Variants in KCNB2 observed in about 807,000 individuals in gnomAD.
The protein encoded by KCNB2 is potassium voltage-gated channel subfamily B member 2, also known as delayed rectifier potassium channel protein.
Under a neutral mutation model 61.5 loss-of-function variants are expected in KCNB2, and 15 were observed. That is an observed-to-expected ratio of 0.24 (90% CI 0.16 to 0.38). KCNB2 has a LOEUF of 0.38. KCNB2 is among the 10% of genes least tolerant of loss of function. The pLI, the probability that KCNB2 is intolerant of heterozygous loss-of-function variation, is 1.00. For synonymous variants in KCNB2, 457 were observed against 446.0 expected, an observed-to-expected ratio of 1.02 and a Z score of -0.31; for missense variants, 828 against 1,125.2, an observed-to-expected ratio of 0.74 and a Z score of 3.78.
At chr8:72,777,934 T>C (rs1195776694) in intron 2 of KCNB2, among the ~76,000 whole-genome samples, 1 of 152,198 alleles carries the variant, frequency 6.6e-6, no homozygotes, top group African/African-American at 2.4e-5. Context: ...ATTTGAAGTT[T>C]TCTCCTATAC....
chr8:72,780,182 T>C (rs1808730969), intron 2 of KCNB2, among the ~76,000 whole-genome samples: 1 of 152,216 alleles, frequency 6.6e-6, no homozygotes, highest in African/African-American at 2.4e-5. Context: ...TTACTTTATG[T>C]ATAACTTACG....
chr8:72,811,564 A>C (rs1302731106), intron 2 of KCNB2, among the ~76,000 whole-genome samples: 1 of 152,090 alleles, frequency 6.6e-6, no homozygotes, highest in Non-Finnish European at 1.5e-5. Context: ...GATTTCTATT[A>C]ATTGATGTCT....
In KCNB2 at chr8:72,695,218, T is replaced by C. The variant is rs528626094; in HGVS notation, c.579+126905T>C. Among the ~76,000 whole-genome samples, 440 of 152,262 alleles carry C rather than the reference T, an allele frequency of 2.9e-3. 4 individuals are homozygous for C. The highest frequency in any genetic ancestry group is 8.7e-3 in the African/African-American group (362 of 41,568). ...TTTGATATAAATAACTATCAACCTCTCTTATCATCTCCCCACTATTTCCTC... is the reference window on the plus strand; with the variant it reads ...TTTGATATAAATAACTATCAACCTCCCTTATCATCTCCCCACTATTTCCTC... On this transcript the variant is annotated intron_variant, in intron 2 of 2. Transcript: ENST00000523207.
chr8:72,800,676 C>A (rs186990120), intron 2 of KCNB2, among the ~76,000 whole-genome samples: 2 of 151,998 alleles, frequency 1.3e-5, no homozygotes, highest in African/African-American at 4.8e-5. Context: ...ATGACACAAT[C>A]TTTACTATCT....
intron 2 of KCNB2, among the ~76,000 whole-genome samples, chr8:72,573,097 A>T (rs1028604661): frequency 1.3e-5 from 2 of 152,016 alleles, no homozygotes; most frequent in Non-Finnish European, 2.9e-5. Flanking sequence ...CCTGTTGATA[A>T]CTCCTTGAGA....
chr8:72,573,556 A>G (rs970937198), intron 2 of KCNB2, among the ~76,000 whole-genome samples: 1 of 152,096 alleles, frequency 6.6e-6, no homozygotes, highest in African/African-American at 2.4e-5. Context: ...GCTGTCCTCT[A>G]CATTGAGGCC....
chr8:72,921,196 A>C (rs1023904409), intron 2 of KCNB2, among the ~76,000 whole-genome samples: 41 of 152,166 alleles, frequency 2.7e-4, no homozygotes, highest in African/African-American at 9.7e-4. Flanking sequence ...AATATGGCTT[A>C]GTATACACAT....
intron 2 of KCNB2, among the ~76,000 whole-genome samples, chr8:72,724,440 G>C (rs746690909): frequency 3.3e-5 from 5 of 152,190 alleles, no homozygotes; most frequent in Non-Finnish European, 7.3e-5. Flanking sequence ...TTTTGAATCT[G>C]AGTGTTGGAG....
chr8:72,849,682 T>C (rs1810059772), intron 2 of KCNB2, among the ~76,000 whole-genome samples: 2 of 152,230 alleles, frequency 1.3e-5, no homozygotes, highest in Admixed American at 1.3e-4. Context: ...AGTGTCTTTA[T>C]TGCTTTGGAG....
At chr8:72,837,093 C>A (rs996964001) in intron 2 of KCNB2, among the ~76,000 whole-genome samples, 3 of 152,120 alleles carry the variant, frequency 2.0e-5, no homozygotes, top group African/African-American at 7.2e-5. Flanking sequence ...TTTTTCAATT[C>A]AATATATTTA....
intron 2 of KCNB2, among the ~76,000 whole-genome samples, chr8:72,715,996 C>G (rs1807431445): frequency 6.6e-6 from 1 of 152,304 alleles, no homozygotes; most frequent in South Asian, 2.1e-4. Flanking sequence ...ACCGATCCCA[C>G]AGAAATACAA....
At chr8:72,934,829 A>G (rs1224037393) in intron 2 of KCNB2, among the ~76,000 whole-genome samples, 1 of 151,884 alleles carries the variant, frequency 6.6e-6, no homozygotes, top group Admixed American at 6.6e-5. Context: ...CCTTTGCCTT[A>G]CCCTCAAATC....
Position 72,938,087 on chromosome 8 carries a change from T to C in KCNB2, c.2732T>C (p.Met911Thr). The C allele has an allele frequency of 1.9e-6, 3 of 1,584,002 alleles. No homozygotes were observed. Among genetic ancestry groups the C allele is most frequent in the Non-Finnish European group, 2.6e-6 (3 of 1,165,560 alleles). ...TATTGTCCCACACGTGAAACCAGCA[T>C]GTGACTAGTTACAAAAGCAATAAAT... ...TGYCPTRETSM is the reference protein window; with the variant it reads ...TGYCPTRETST Residue 911 changes from methionine (M) to threonine (T), a missense_variant, in exon 3 of 3, where the codon ATG (methionine) becomes ACG (threonine). Transcript: ENST00000523207.
At chr8:72,773,550 GA>G (rs1444235140) in intron 2 of KCNB2, among the ~76,000 whole-genome samples, 1 of 152,198 alleles carries the variant, frequency 6.6e-6, no homozygotes, top group Admixed American at 6.5e-5. Flanking sequence ...GTGGGAGGGA[GA>G]TAGTAGAGGT....
chr8:72,756,920 T>G (rs2128996134), intron 2 of KCNB2, among the ~76,000 whole-genome samples: 1 of 152,292 alleles, frequency 6.6e-6, no homozygotes, highest in African/African-American at 2.4e-5. Context: ...AAAATAGTTT[T>G]GGTTGTGGAC....
chr8:72,611,920 A>G (rs555426679), intron 2 of KCNB2, among the ~76,000 whole-genome samples: 7 of 152,256 alleles, frequency 4.6e-5, no homozygotes, highest in South Asian at 2.1e-4. Flanking sequence ...CTAAATAACT[A>G]TTAATCAATT....
At chr8:72,710,300 G>C (rs1165479556) in intron 2 of KCNB2, among the ~76,000 whole-genome samples, 1 of 152,086 alleles carries the variant, frequency 6.6e-6, no homozygotes. Context: ...AAAAGATGTG[G>C]CTAATACTTT....
rs73686082 is a variant in KCNB2, at chr8:72,590,700, T to C, written c.579+22387T>C. The stretch of plus-strand genomic sequence containing the variant: ...GCATTTCATTTTTTAAAATGCTTAA[T>C]GAAAGTGAACCATAGGCTATGAACA... On this transcript the variant is annotated intron_variant, in intron 2 of 2. Transcript: ENST00000523207. 1.9e-3 allele frequency among the ~76,000 whole-genome samples: 291 copies of C among 152,310 alleles called. 2 individuals carry two copies. Among genetic ancestry groups the C allele is most frequent in the African/African-American group, 6.7e-3 (278 of 41,584 alleles).
At chr8:72,613,667 G>T (rs1308308599) in intron 2 of KCNB2, among the ~76,000 whole-genome samples, 1 of 152,134 alleles carries the variant, frequency 6.6e-6, no homozygotes, top group Non-Finnish European at 1.5e-5. Context: ...GTCTTTCCTA[G>T]CCACTCAGGG....
Sources: gnomAD v4.1 joint callset for allele counts (sites outside exome capture counted in the v4.1 genomes callset) on GRCh38, gnomAD v4.1.1 for gene constraint, MANE v1.5 for transcripts, NCBI Gene and HGNC (gene_info 2026-07-23, HGNC 2026-07-21) for gene names.